Variants in RAPGEF1 observed in about 807,000 individuals in gnomAD.
RAPGEF1 encodes the protein CRK SH3-binding GNRP.
RAPGEF1 carries 33 observed loss-of-function variants against 143.3 expected under a neutral mutation model. The ratio of observed to expected loss-of-function variants is 0.23; its 90% confidence interval spans 0.17 to 0.31. RAPGEF1 has a LOEUF of 0.31. RAPGEF1 is among the 10% of genes least tolerant of loss of function. RAPGEF1 has a pLI of 1.00. For missense variants in RAPGEF1, 1,199 were observed against 1,645.4 expected (o/e 0.73, Z 4.69); for synonymous variants, 629 against 676.5 (o/e 0.93, Z 1.09).
At chr9:131,717,286 C>T (rs1319172905) in intron 1 of RAPGEF1, among the ~76,000 whole-genome samples, 1 of 152,186 alleles carries the variant, frequency 6.6e-6, no homozygotes, top group Admixed American at 6.5e-5. Flanking sequence ...ACAGCCTGCA[C>T]TCTGGCTGTG....
In RAPGEF1 at chr9:131,583,424, ATGACCCC is replaced by A. The variant is rs928864185; in HGVS notation, c.3415-729_3415-723del. 6.6e-6 allele frequency among the ~76,000 whole-genome samples: 1 copy of A among 150,910 alleles called. No individual in the cohort carries two copies. Among genetic ancestry groups the A allele is most frequent in the Admixed American group, 6.6e-5 (1 of 15,182 alleles). The stretch of plus-strand genomic sequence containing the variant: ...CCTGGCTGACACCCGGGTCTCTGAC[ATGACCCC>A]TGGGTGGCCTGGGTCACACTCGGGT... On this transcript the variant is annotated intron_variant, in intron 24 of 26. Coordinates refer to ENST00000683357, the MANE Select transcript of RAPGEF1 (RefSeq NM_001377935.1). The surrounding 1 kb of genome is among the most constrained non-coding windows in gnomAD (Gnocchi z 4.7).
At chr9:131,614,672 G>A (rs1383929635) in intron 12 of RAPGEF1, among the ~76,000 whole-genome samples, 1 of 152,260 alleles carries the variant, frequency 6.6e-6, no homozygotes, top group African/African-American at 2.4e-5. Context: ...TCTGCATGAA[G>A]CTCAAGCCTT....
chr9:131,670,586 TG>T (rs1310707520), intron 1 of RAPGEF1, among the ~76,000 whole-genome samples: 1 of 152,184 alleles, frequency 6.6e-6, no homozygotes, highest in Admixed American at 6.5e-5. Flanking sequence ...CCAAGATGGC[TG>T]GTTCATAGCA....
intron 12 of RAPGEF1, among the ~76,000 whole-genome samples, chr9:131,607,358 C>T (rs1475491670): frequency 1.3e-5 from 2 of 152,228 alleles, no homozygotes; most frequent in African/African-American, 4.8e-5. Context: ...CTCCACGCAA[C>T]ACTTCAACGT....
intron 1 of RAPGEF1, among the ~76,000 whole-genome samples, chr9:131,728,753 T>C (rs1360391850): frequency 6.6e-6 from 1 of 152,230 alleles, no homozygotes; most frequent in Non-Finnish European, 1.5e-5. Flanking sequence ...AGTTACCAGA[T>C]TACCATTTTT....
rs1961076110 is a variant in RAPGEF1 at position 131,621,659 on chromosome 9, T to C, written c.1905+137A>G. On this transcript the variant is annotated intron_variant, in intron 11 of 26. Transcript: ENST00000683357. This position sits in a 1 kb window ranked among gnomAD's most constrained non-coding sequence, Gnocchi z 4.5. ...GAAGTAAAAGCATCTGTGTGGGAGA[T>C]GGTGCCTTCCACGCCCAAAACCAGG... 1.3e-5 allele frequency: 11 copies of C among 834,508 alleles called. No homozygotes were observed. The highest frequency in any genetic ancestry group is 7.3e-5 in the Admixed American group (3 of 41,194). 51.7% of individuals were successfully genotyped at this position (834,508 alleles called of 1,614,324 possible).
At chr9:131,681,267 C>T (rs549474882) in intron 1 of RAPGEF1, among the ~76,000 whole-genome samples, 16 of 152,140 alleles carry the variant, frequency 1.1e-4, no homozygotes, top group African/African-American at 3.1e-4. Flanking sequence ...GGACACTGGG[C>T]GAAAATTAGT....
chr9:131,687,700 T>C (rs1250773599), intron 1 of RAPGEF1, among the ~76,000 whole-genome samples: 3 of 152,122 alleles, frequency 2.0e-5, no homozygotes, highest in Non-Finnish European at 4.4e-5. Context: ...AGCCCCTAGG[T>C]TGGTGCCAAG....
chr9:131,603,775 C>T (rs1048478039), intron 14 of RAPGEF1, among the ~76,000 whole-genome samples, 186 bp downstream of exon 14: 1 of 152,222 alleles, frequency 6.6e-6, no homozygotes, highest in African/African-American at 2.4e-5. Flanking sequence ...CAGACCTCCA[C>T]CTGGAAGCCA....
chr9:131,730,386 A>G (rs571981738), intron 1 of RAPGEF1, among the ~76,000 whole-genome samples: 213 of 151,788 alleles, frequency 1.4e-3, no homozygotes, highest in African/African-American at 4.8e-3. Context: ...TAGACTCCCA[A>G]AGAACCAGCC....
intron 1 of RAPGEF1, among the ~76,000 whole-genome samples, chr9:131,706,668 G>A (rs1022590309): frequency 6.6e-6 from 1 of 152,134 alleles, no homozygotes; most frequent in Non-Finnish European, 1.5e-5. Flanking sequence ...AAACTGTGAA[G>A]GACCACTCCC....
At chr9:131,630,011 C>A (rs374366206) in intron 6 of RAPGEF1, among the ~76,000 whole-genome samples, 6 of 152,220 alleles carry the variant, frequency 3.9e-5, no homozygotes, top group Admixed American at 1.3e-4. Context: ...ACTGGATGCG[C>A]TCACAGAAGA....
intron 1 of RAPGEF1, among the ~76,000 whole-genome samples, chr9:131,707,257 G>A (rs1268742915): frequency 6.6e-6 from 1 of 152,098 alleles, no homozygotes; most frequent in African/African-American, 2.4e-5. Context: ...TGAAGACACT[G>A]TACTATGTAT....
At chr9:131,687,627 C>G (rs1019345888) in intron 1 of RAPGEF1, among the ~76,000 whole-genome samples, 2 of 152,130 alleles carry the variant, frequency 1.3e-5, no homozygotes, top group African/African-American at 2.4e-5. Flanking sequence ...GCAAAGGAAA[C>G]GCATGGAGGC....
intron 19 of RAPGEF1, 37 bp from the exon 20 acceptor site, chr9:131,589,023 C>T (rs374973774): frequency 6.1e-5 from 97 of 1,594,480 alleles, no homozygotes; most frequent in South Asian, 1.8e-4. Flanking sequence ...GGAGCAGGAA[C>T]GCAAGGCCCA....
chr9:131,609,867 TGCCTTA>T (rs1957750208), intron 12 of RAPGEF1, among the ~76,000 whole-genome samples: 1 of 152,230 alleles, frequency 6.6e-6, no homozygotes, highest in South Asian at 2.1e-4. Context: ...GGCTCTGTGT[TGCCTTA>T]GCAAGAAAGC....
In RAPGEF1 at chr9:131,588,915, T is replaced by G; in HGVS notation, c.2939A>C (p.Glu980Ala). 6.2e-7 allele frequency: 1 copy of G among 1,613,848 alleles called. No homozygotes were observed. Among genetic ancestry groups the G allele is most frequent in the Non-Finnish European group, 8.5e-7 (1 of 1,179,840 alleles). The stretch of plus-strand genomic sequence containing the variant: ...CCGGAGCACACGGGCCAGGCTCAGC[T>G]CCCCATTGCACACCAGGCGGAAGAC... ...ELVFRLVCNG[E>A]LSLARVLRKN... The change falls in exon 20 of 27, where the codon GAG becomes GCG. Residue 980 changes from glutamate (E) to alanine (A), a missense_variant. Glu to Ala is a moderately radical substitution (Grantham distance 107). Around this residue, in one of 6 missense-constraint regions of RAPGEF1, gnomAD observed 209 missense variants for 403.0 expected, o/e 0.52. Transcript: ENST00000683357.
chr9:131,595,161 A>T (rs1955035936), intron 17 of RAPGEF1, among the ~76,000 whole-genome samples: 1 of 152,184 alleles, frequency 6.6e-6, no homozygotes, highest in East Asian at 1.9e-4. Context: ...AAGCCCGGGG[A>T]CTGCCCAGGG....
At chr9:131,709,315 C>T (rs888827615) in intron 1 of RAPGEF1, among the ~76,000 whole-genome samples, 1 of 152,168 alleles carries the variant, frequency 6.6e-6, no homozygotes, top group African/African-American at 2.4e-5. Flanking sequence ...CACTGCATTC[C>T]AGCCTGGGCG....
Sources: gnomAD v4.1 joint callset for allele counts (sites outside exome capture counted in the v4.1 genomes callset) on GRCh38, gnomAD v4.1.1 for gene constraint, gnomAD v4.1.1 regional missense constraint, Gnocchi (gnomAD v3.1) non-coding constraint, MANE v1.5 for transcripts, NCBI Gene and HGNC (gene_info 2026-07-23, HGNC 2026-07-21) for gene names.